The following ERN2 variants were observed in gnomAD, a reference collection of about 807,000 sequenced individuals.
ERN2 encodes endoplasmic reticulum to nucleus signaling 2.
Under a neutral mutation model 107.9 loss-of-function variants are expected in ERN2, and 111 were observed. The observed-to-expected ratio is 1.03, with a 90% CI of 0.88 to 1.20. ERN2 has a LOEUF of 1.20. Among genes scored for constraint, ERN2 ranks in the 50% most tolerant of loss-of-function variants. The pLI is 0.00. For synonymous variants in ERN2, 524 were observed against 501.7 expected (o/e 1.04, Z -0.59); for missense variants, 1,225 against 1,197.9 (o/e 1.02, Z -0.33).
chr16:23,706,930 G>A, intron 5 of ERN2, 69 bp from the exon 6 acceptor site: 2 of 1,568,456 alleles, frequency 1.3e-6, no homozygotes. Context: ...CCACTCTTGT[G>A]CCTAATTAGC....
intron 9 of ERN2, 43 bp downstream of exon 9, chr16:23,702,581 C>T: frequency 1.2e-6 from 2 of 1,614,038 alleles, no homozygotes. Context: ...AGGTTCTTCT[C>T]CCGTTCATCC....
chr16:23,701,214 C>T (rs944691615), intron 11 of ERN2, 100 bp from the exon 12 acceptor site: 134 of 1,253,388 alleles, frequency 1.1e-4, no homozygotes, highest in Non-Finnish European at 1.4e-4. Context: ...GCTGAAGGGG[C>T]AGTGAGTGGT....
Position 23,713,071 on chromosome 16 carries a change from TTGGCGTCGGTCCC to T in ERN2, c.93+11_93+23del. On this transcript the variant is annotated intron_variant, in intron 1 of 21. Transcript: ENST00000256797. ...CGCCCCGCGACCAGACTTTGGGGAC[TTGGCGTCGGTCCC>T]TGGCTCTCACCTGTGGACTCAGCGT... The T allele has an allele frequency of 6.7e-7, 1 of 1,500,440 alleles. No homozygotes were observed. The allele number at this position is 1,500,440 out of a possible 1,614,324, so 92.9% of individuals were successfully genotyped here.
At chr16:23,706,906 G>A (rs776139445) in intron 5 of ERN2, 45 bp from the exon 6 acceptor site, 4 of 1,569,768 alleles carry the variant, frequency 2.5e-6, no homozygotes, top group Non-Finnish European at 3.5e-6. Flanking sequence ...GGCATGGGAA[G>A]AGGTGTGGCC....
Position 23,692,014 on chromosome 16 carries a change from C to G in ERN2, c.2325G>C (p.Val775=). ...TGCTCCAAAAGAAGGGGTGGGCCAG[C>G]ACCTGGGGGGCAGAGGGGCGTGGCT... ...LPQPRPSAPQ[V]LAHPFFWSRA... The change falls in exon 19 of 22, where the codon GTG becomes GTC. Residue 775 remains valine, a synonymous_variant. Transcript: ENST00000256797. The G allele has an allele frequency of 6.2e-7, 1 of 1,613,844 alleles. No individual in the cohort carries two copies. Among genetic ancestry groups the G allele is most frequent in the Non-Finnish European group, 8.5e-7 (1 of 1,179,946 alleles).
chr16:23,695,505 C>G, intron 14 of ERN2, 116 bp from the exon 15 acceptor site: 1 of 929,052 alleles, frequency 1.1e-6, no homozygotes, highest in Non-Finnish European at 1.6e-6. Context: ...GCGGGCGGGT[C>G]ACTTGAGGTC....
chr16:23,691,357 G>A lies in ERN2; in HGVS notation c.2445C>T (p.Gly815=), dbSNP rs1567242322. 3.7e-6 allele frequency: 6 copies of A among 1,603,984 alleles called. No homozygotes were observed. Among genetic ancestry groups the A allele is most frequent in the African/African-American group, 1.3e-5 (1 of 74,912 alleles). The part of the protein sequence containing the change: ...EPLVRALEAG[G]CAVVRDNWHE... ...GCCAGTTGTCCCGGACCACTGCGCA[G>A]CCTCCCGCCTCCAGTGCCCTCACCA... Residue 815 remains glycine, a synonymous_variant, in exon 20 of 22, where the codon GGC becomes GGT. Coordinates refer to ENST00000256797, the MANE Select transcript of ERN2 (RefSeq NM_033266.4).
rs781352386 is a variant in ERN2 at position 23,704,931 on chromosome 16, C to A, written c.806G>T (p.Gly269Val). 1 of 1,613,530 alleles carries A rather than the reference C, an allele frequency of 6.2e-7. No homozygotes were observed. The highest frequency in any genetic ancestry group is 8.5e-7 in the Non-Finnish European group (1 of 1,180,016). Reference protein sequence around the residue: ...RWGHIRLPASGPRDTATLFST... With the variant: ...RWGHIRLPASVPRDTATLFST... The stretch of plus-strand genomic sequence containing the variant: ...GAAGAGGGTGGCTGTGTCCCGGGGG[C>A]CTGAGGCAGGCAGTCGGATGTGGCC... The change falls in exon 8 of 22, where the codon GGC becomes GTC. Residue 269 changes from glycine to valine, a missense_variant. By Grantham distance (109) the Gly-to-Val change is moderately radical. Coordinates refer to ENST00000256797, the MANE Select transcript of ERN2 (RefSeq NM_033266.4).
At position 23,713,172 on chromosome 16, in the gene ERN2, T is replaced by C; in HGVS notation, c.16A>G (p.Arg6Gly). The C allele has an allele frequency of 6.3e-7, 1 of 1,576,742 alleles. No individual in the cohort carries two copies. The highest frequency in any genetic ancestry group is 1.2e-5 in the South Asian group (1 of 86,742). The change falls in exon 1 of 22, where the codon AGG becomes GGG. Residue 6 changes from arginine (R) to glycine (G), a missense_variant. Arg to Gly is a moderately radical substitution (Grantham distance 125). Coordinates refer to ENST00000256797, the MANE Select transcript of ERN2 (RefSeq NM_033266.4). Reference sequence around the variant, plus strand: ...AGCCGGGGCCACGGCCTCGACCCCCTGACCGCACTCGCCATAGCGCCTGGG... The same window carrying C: ...AGCCGGGGCCACGGCCTCGACCCCCCGACCGCACTCGCCATAGCGCCTGGG... MASAV[R>G]GSRPWPRLGL...
intron 3 of ERN2, 69 bp from the exon 4 acceptor site, chr16:23,710,313 C>T: frequency 7.2e-7 from 1 of 1,388,982 alleles, no homozygotes; most frequent in Non-Finnish European, 1.0e-6. Context: ...GCCCCAAATT[C>T]CTTCCAATTT....
chr16:23,713,176 C>A lies in ERN2; in HGVS notation c.12G>T (p.Ala4=), dbSNP rs760919675. MAS[A]VRGSRPWPRL... is the part of the protein sequence containing the mutation. ...GGGGCCACGGCCTCGACCCCCTGACCGCACTCGCCATAGCGCCTGGGCAGC... is the reference window on the plus strand; with the variant it reads ...GGGGCCACGGCCTCGACCCCCTGACAGCACTCGCCATAGCGCCTGGGCAGC... Residue 4 remains alanine, a synonymous_variant, in exon 1 of 22, where the codon GCG becomes GCT. Coordinates refer to ENST00000256797, the MANE Select transcript of ERN2 (RefSeq NM_033266.4). 1.3e-6 allele frequency: 2 copies of A among 1,577,038 alleles called. No homozygotes were observed. The highest frequency in any genetic ancestry group is 8.6e-7 in the Non-Finnish European group (1 of 1,167,806).
At chr16:23,694,671 CG>C (rs1423159178) in intron 17 of ERN2, 56 bp downstream of exon 17, 2 of 1,446,608 alleles carry the variant, frequency 1.4e-6, no homozygotes, top group Non-Finnish European at 1.9e-6. Context: ...GGGACAGGGA[CG>C]GATTCCTGCA....
At chr16:23,696,541 A>AG (rs1442364102) in intron 13 of ERN2, 1 of 153,070 alleles carries the variant, frequency 6.5e-6, no homozygotes, top group Non-Finnish European at 1.5e-5. Context: ...ACCGGACAGA[A>AG]GCAGTGGGCA....
chr16:23,711,157 G>A lies in ERN2; in HGVS notation c.94-139C>T, dbSNP rs543165246. The A allele has an allele frequency of 7.7e-5, 47 of 613,670 alleles. No individual in the cohort carries two copies. In the South Asian group the frequency reaches 9.1e-4, roughly 12 times the overall value. 38.0% of individuals were successfully genotyped at this position (613,670 alleles called of 1,614,324 possible). A position where few individuals can be genotyped will look rare whatever the true frequency, so the allele number is the denominator to read the frequency against. ...GGGAGGAAGGGTGATTGGGGAACGT[G>A]CTGGTGTCACTCATCATCTCTTTGA... On this transcript the variant is annotated intron_variant, in intron 1 of 21. Transcript: ENST00000256797.
chr16:23,703,386 A>G (rs978937616), intron 8 of ERN2, among the ~76,000 whole-genome samples: 1 of 152,096 alleles, frequency 6.6e-6, no homozygotes, highest in Non-Finnish European at 1.5e-5. Flanking sequence ...CTTGCTCACA[A>G]TCGTCAAACT....
At chr16:23,701,847 G>A (rs1243191482) in intron 11 of ERN2, among the ~76,000 whole-genome samples, 2 of 151,612 alleles carry the variant, frequency 1.3e-5, no homozygotes, top group Non-Finnish European at 2.9e-5. Flanking sequence ...TATTACCCAG[G>A]CTGGTCTCAA....
At chr16:23,691,823 C>T (rs1959607584) in intron 19 of ERN2, 140 bp downstream of exon 19, 1 of 1,226,920 alleles carries the variant, frequency 8.2e-7, no homozygotes, top group Non-Finnish European at 1.1e-6. Context: ...CAGGCTGGCT[C>T]CCAGTTTAGG....
intron 17 of ERN2, among the ~76,000 whole-genome samples, chr16:23,693,502 T>A (rs1330674241): frequency 6.6e-6 from 1 of 151,538 alleles, no homozygotes; most frequent in Non-Finnish European, 1.5e-5. Context: ...GGCAGGAGAA[T>A]CACTTGAACC....
At position 23,710,690 on chromosome 16, in the gene ERN2, CAGAT is replaced by C. The variant is rs1960505662; in HGVS notation, c.200-145_200-142del. The stretch of plus-strand genomic sequence containing the variant: ...AATGCCATCTTCCCAAAAACTCTGT[CAGAT>C]AGGGTCATATCCTTTGCCCCATTTT... On this transcript the variant is annotated intron_variant, in intron 2 of 21. Coordinates refer to ENST00000256797, the MANE Select transcript of ERN2 (RefSeq NM_033266.4). 3 of 1,024,758 alleles carry C rather than the reference CAGAT, an allele frequency of 2.9e-6. No homozygotes were observed. The East Asian group carries it at 7.1e-5, about 24-fold the overall frequency. 63.5% of individuals were successfully genotyped at this position (1,024,758 alleles called of 1,614,324 possible).
Sources: allele counts gnomAD v4.1 joint callset (sites outside exome capture counted in the v4.1 genomes callset), GRCh38; gene constraint gnomAD v4.1.1; transcripts MANE v1.5; gene names NCBI Gene and HGNC (gene_info 2026-07-23, HGNC 2026-07-21).